Variants in EPB41L2 observed in about 807,000 individuals in gnomAD.
The protein encoded by EPB41L2 is erythrocyte membrane protein band 4.1 like 2, also known as band 4.1-like protein 2.
A neutral mutation model predicts 113.0 loss-of-function variants in EPB41L2; 43 were observed. The observed-to-expected ratio is 0.38, with a 90% CI of 0.30 to 0.49. The LOEUF (loss-of-function observed/expected upper bound fraction) is 0.49. EPB41L2 is among the 20% of genes least tolerant of loss of function. The probability of loss-of-function intolerance (pLI) is 0.95; values close to 1 mark genes in which losing one functional copy is unlikely to be tolerated. For missense variants in EPB41L2, 1,147 were observed against 1,223.4 expected (o/e 0.94, Z 0.93); for synonymous variants, 442 against 436.7 (o/e 1.01, Z -0.15).
intron 10 of EPB41L2, among the ~76,000 whole-genome samples, chr6:130,892,168 T>C (rs1057107815): frequency 2.0e-5 from 3 of 152,002 alleles, no homozygotes; most frequent in Non-Finnish European, 2.9e-5. Context: ...GCTACAAGAA[T>C]ACAAGAAGAG....
At chr6:130,920,574 C>T (rs1282740021) in intron 4 of EPB41L2, among the ~76,000 whole-genome samples, 1 of 152,146 alleles carries the variant, frequency 6.6e-6, no homozygotes, top group Non-Finnish European at 1.5e-5. Flanking sequence ...CAGCTCATTG[C>T]TGCCTTGACC....
Position 130,865,807 on chromosome 6 carries a change from A to G in EPB41L2, c.2731-173T>C. On this transcript the variant is annotated intron_variant, in intron 16 of 19. Transcript: ENST00000337057. Reference sequence around the variant, plus strand: ...GTATTTGAAACCGAGTAGAGGCAAAAGGCTAGGTGCACATGGAGAAGCAAA... The same window carrying G: ...GTATTTGAAACCGAGTAGAGGCAAAGGGCTAGGTGCACATGGAGAAGCAAA... 9.9e-6 allele frequency: 6 copies of G among 604,486 alleles called. No individual in the cohort carries two copies. The South Asian group carries it at 1.3e-4, about 13-fold the overall frequency. 37.4% of individuals were successfully genotyped at this position (604,486 alleles called of 1,614,324 possible). A position where few individuals can be genotyped will look rare whatever the true frequency, so the allele number is the denominator to read the frequency against.
At chr6:131,021,894 C>A (rs969020054) in intron 1 of EPB41L2, among the ~76,000 whole-genome samples, 3 of 152,144 alleles carry the variant, frequency 2.0e-5, no homozygotes, top group Non-Finnish European at 4.4e-5. Flanking sequence ...CAGTCCCAAC[C>A]TTTTTGGTAC....
At chr6:130,864,497 G>A (rs1783100405) in intron 17 of EPB41L2, among the ~76,000 whole-genome samples, 1 of 152,190 alleles carries the variant, frequency 6.6e-6, no homozygotes, top group Admixed American at 6.5e-5. Context: ...CAGCGTTATG[G>A]GCTCCGTACA....
intron 1 of EPB41L2, among the ~76,000 whole-genome samples, chr6:130,972,315 C>T (rs1260564641): frequency 1.1e-5 from 1 of 92,628 alleles, no homozygotes; most frequent in Non-Finnish European, 1.9e-5. Flanking sequence ...CAGAATGAGA[C>T]TCCATCTCAA....
chr6:130,874,193 C>G lies in EPB41L2; in HGVS notation c.2043+3911G>C, dbSNP rs190657899. ...TATTTACCCATTAAAGATTAAATGA[C>G]TTGGTTTCCAATTTTCTGCTCTACT... On this transcript the variant is annotated intron_variant, in intron 14 of 19. Transcript: ENST00000337057. Among the ~76,000 whole-genome samples, 140 of 152,074 alleles carry G rather than the reference C, an allele frequency of 9.2e-4. 2 individuals carry two copies. Among genetic ancestry groups the G allele is most frequent in the Non-Finnish European group, 9.0e-4 (61 of 67,986 alleles).
chr6:130,920,978 AG>A (rs1280897150), intron 4 of EPB41L2, among the ~76,000 whole-genome samples: 1 of 152,084 alleles, frequency 6.6e-6, no homozygotes, highest in Non-Finnish European at 1.5e-5. Flanking sequence ...CCTGTGTAAA[AG>A]TCTCCATCAA....
At chr6:130,841,144 G>T (rs916785458) in intron 19 of EPB41L2, among the ~76,000 whole-genome samples, 1 of 151,250 alleles carries the variant, frequency 6.6e-6, no homozygotes, top group Non-Finnish European at 1.5e-5. Context: ...CATTGGTATA[G>T]TGAGTAGTAA....
chr6:130,919,870 C>A (rs1205327636), intron 4 of EPB41L2, among the ~76,000 whole-genome samples: 2 of 152,182 alleles, frequency 1.3e-5, no homozygotes, highest in Non-Finnish European at 2.9e-5. Context: ...CATACTAATT[C>A]TTGGTTGGCT....
At chr6:130,941,920 T>C (rs1054787447) in intron 3 of EPB41L2, among the ~76,000 whole-genome samples, 3 of 152,148 alleles carry the variant, frequency 2.0e-5, no homozygotes, top group African/African-American at 7.2e-5. Context: ...CAGTTCAGAG[T>C]TGATGTATAA....
At position 130,956,305 on chromosome 6, in the gene EPB41L2, G is replaced by A. The variant is rs202166140; in HGVS notation, c.181C>T (p.Arg61Cys). The part of the protein sequence containing the change: ...PAAESQSSLR[R>C]QKREKETSES... ...GATGTTTCCTTCTCTCTCTTCTGGC[G>A]GCGTAGACTACTTTGGCTTTCAGCT... Residue 61 changes from arginine to cysteine, a missense_variant, in exon 2 of 20, where the codon CGC becomes TGC. Coordinates refer to ENST00000337057, the MANE Select transcript of EPB41L2 (RefSeq NM_001431.4). 6.7e-5 allele frequency: 108 copies of A among 1,613,884 alleles called. No homozygotes were observed. The highest frequency in any genetic ancestry group is 8.9e-5 in the East Asian group (4 of 44,894).
intron 15 of EPB41L2, among the ~76,000 whole-genome samples, chr6:130,869,141 C>T (rs1784837132): frequency 6.6e-6 from 1 of 152,072 alleles, no homozygotes; most frequent in Non-Finnish European, 1.5e-5. Context: ...ACATCAGGGG[C>T]ACACACACTC....
chr6:130,899,391 C>T (rs1583226804), intron 8 of EPB41L2, 100 bp downstream of exon 8: 1 of 932,960 alleles, frequency 1.1e-6, no homozygotes, highest in East Asian at 2.5e-5. Context: ...AGCAAATATC[C>T]TTTTCCCAAA....
chr6:130,888,112 T>C (rs1791628258), intron 11 of EPB41L2, among the ~76,000 whole-genome samples: 1 of 152,168 alleles, frequency 6.6e-6, no homozygotes, highest in Non-Finnish European at 1.5e-5. Context: ...GAAAATACAA[T>C]ACATGAAGAC....
chr6:131,019,775 G>A (rs1380803310), intron 1 of EPB41L2, among the ~76,000 whole-genome samples: 1 of 151,786 alleles, frequency 6.6e-6, no homozygotes, highest in Non-Finnish European at 1.5e-5. Flanking sequence ...CTGTTTTACT[G>A]GGGCATTACA....
chr6:131,020,892 C>T (rs933375898), intron 1 of EPB41L2, among the ~76,000 whole-genome samples: 7 of 152,122 alleles, frequency 4.6e-5, no homozygotes, highest in Admixed American at 3.9e-4. Flanking sequence ...TGGGCTCAAG[C>T]GATCCTCCCG....
chr6:130,971,605 G>A (rs367698553), intron 1 of EPB41L2, among the ~76,000 whole-genome samples: 4 of 152,340 alleles, frequency 2.6e-5, no homozygotes, highest in African/African-American at 9.6e-5. Flanking sequence ...TTCACATCCT[G>A]CACAGGATGG....
intron 1 of EPB41L2, among the ~76,000 whole-genome samples, chr6:130,981,052 TG>T (rs1463271872): frequency 6.6e-6 from 1 of 152,140 alleles, no homozygotes; most frequent in Non-Finnish European, 1.5e-5. Context: ...GGGGAAATTT[TG>T]GAGAAAATAT....
chr6:130,971,206 C>T (rs1201172325), intron 1 of EPB41L2, among the ~76,000 whole-genome samples: 3 of 152,170 alleles, frequency 2.0e-5, no homozygotes, highest in Non-Finnish European at 4.4e-5. Context: ...CACCCTGTTA[C>T]ATCCTAACTA....
Sources: gnomAD v4.1 joint callset for allele counts (sites outside exome capture counted in the v4.1 genomes callset) on GRCh38, gnomAD v4.1.1 for gene constraint, MANE v1.5 for transcripts, NCBI Gene and HGNC (gene_info 2026-07-23, HGNC 2026-07-21) for gene names.